The following ADCY5 variants were observed in gnomAD, a reference collection of about 807,000 sequenced individuals.
ADCY5 encodes adenylate cyclase type 5.
Under a neutral mutation model 119.7 loss-of-function variants are expected in ADCY5, and 30 were observed. The observed-to-expected ratio is 0.25, with a 90% CI of 0.19 to 0.34. The LOEUF is 0.34. Ranked by LOEUF, ADCY5 falls within the 10% of genes least tolerant of loss-of-function variation. The probability of loss-of-function intolerance (pLI) is 1.00; values close to 1 mark genes in which losing one functional copy is unlikely to be tolerated. For synonymous variants in ADCY5, 753 were observed against 762.2 expected, an observed-to-expected ratio of 0.99 and a Z score of 0.20; for missense variants, 1,324 against 1,775.2, an observed-to-expected ratio of 0.75 and a Z score of 4.57.
Position 123,428,344 on chromosome 3 carries a change from T to C in ADCY5, c.1134+19068A>G, listed in dbSNP as rs369814807. ...GCAGTCATGCACTGTAGTGTAACAA[T>C]TGGTGTCCCTGCAGTCACCTGAAAA... is the stretch of plus-strand genomic sequence containing the variant. On this transcript the variant is annotated intron_variant, in intron 1 of 20. Coordinates refer to ENST00000462833, the MANE Select transcript of ADCY5 (RefSeq NM_183357.3). Among the ~76,000 whole-genome samples, 22 of 152,338 alleles carry C rather than the reference T, an allele frequency of 1.4e-4. 1 individual carries two copies. The South Asian group carries it at 2.5e-3, about 17-fold the overall frequency.
At chr3:123,299,495 G>C (rs4621278) in intron 15 of ADCY5, among the ~76,000 whole-genome samples, 41,518 of 152,148 alleles carry the variant, frequency 0.27, 7,126 homozygotes, top group Non-Finnish European at 0.39. Context: ...TTCCCCTCAT[G>C]GAGCCACCTC....
chr3:123,367,628 G>A (rs1053238531), intron 1 of ADCY5, among the ~76,000 whole-genome samples: 4 of 152,120 alleles, frequency 2.6e-5, no homozygotes, highest in Non-Finnish European at 4.4e-5. Flanking sequence ...GGTGCCAGCC[G>A]TGTAGGTGGA....
chr3:123,422,104 C>T (rs1945314455), intron 1 of ADCY5, among the ~76,000 whole-genome samples: 1 of 152,198 alleles, frequency 6.6e-6, no homozygotes, highest in African/African-American at 2.4e-5. Flanking sequence ...AAAAACTGTG[C>T]AGGCACTGGG....
chr3:123,325,550 A>G (rs1421051607), intron 7 of ADCY5, 88 bp from the exon 8 acceptor site: 10 of 1,543,778 alleles, frequency 6.5e-6, no homozygotes, highest in Non-Finnish European at 8.0e-6. Context: ...CTGGCCAGGT[A>G]AGGGGCTAAG....
intron 14 of ADCY5, among the ~76,000 whole-genome samples, chr3:123,301,140 G>C (rs1458775910): frequency 7.0e-6 from 1 of 142,040 alleles, no homozygotes; most frequent in African/African-American, 3.1e-5. Context: ...CCTTGATGCA[G>C]ATGACGTCCC....
chr3:123,367,434 T>G (rs1943484516), intron 1 of ADCY5, among the ~76,000 whole-genome samples: 1 of 152,074 alleles, frequency 6.6e-6, no homozygotes, highest in South Asian at 2.1e-4. Flanking sequence ...TGGCAAGAGG[T>G]TTTGTGGGCT....
chr3:123,345,220 C>T (rs765965500), intron 3 of ADCY5, among the ~76,000 whole-genome samples: 10 of 152,158 alleles, frequency 6.6e-5, no homozygotes, highest in South Asian at 4.1e-4. Flanking sequence ...CACCGTGGAA[C>T]GAGGAATAGG....
chr3:123,319,376 GA>G (rs919150693), intron 10 of ADCY5, among the ~76,000 whole-genome samples: 41 of 140,354 alleles, frequency 2.9e-4, no homozygotes, highest in East Asian at 1.0e-3. Flanking sequence ...AATGAAAAAA[GA>G]AAAAAAAAAA....
intron 15 of ADCY5, among the ~76,000 whole-genome samples, chr3:123,297,996 C>CTTTTTATT (rs146573726): frequency 6.6e-6 from 1 of 151,858 alleles, no homozygotes; most frequent in Non-Finnish European, 1.5e-5. Context: ...ACATAAGTGG[C>CTTTTTATT]TTTTTATTTT....
chr3:123,396,345 AAAAG>A (rs1370345666), intron 1 of ADCY5, among the ~76,000 whole-genome samples: 2 of 144,744 alleles, frequency 1.4e-5, no homozygotes, highest in East Asian at 2.2e-4. Flanking sequence ...AAAGAGAAGA[AAAAG>A]AGAGAGAAGG....
intron 1 of ADCY5, among the ~76,000 whole-genome samples, chr3:123,443,915 C>T (rs973016359): frequency 2.6e-5 from 4 of 152,174 alleles, no homozygotes; most frequent in African/African-American, 9.7e-5. Flanking sequence ...GAGTCCAGAC[C>T]ATAGAGCTGC....
At chr3:123,375,925 G>A (rs184955504) in intron 1 of ADCY5, among the ~76,000 whole-genome samples, 1 of 147,338 alleles carries the variant, frequency 6.8e-6, no homozygotes, top group Non-Finnish European at 1.5e-5. Flanking sequence ...CAGTCCCAGA[G>A]CTGGGACTCC....
rs1009278077 is a variant in ADCY5, at chr3:123,300,351, T to TGGCCCC, written c.2725-62_2725-57dup. Reference sequence around the variant, plus strand: ...CCAGGCCCTGCCCGACCCCGGGCCCTGGCCCCATGCATCCTCCAGTCTGAG... The same window carrying TGGCCCC: ...CCAGGCCCTGCCCGACCCCGGGCCCTGGCCCCGGCCCCATGCATCCTCCAGTCTGAG... On this transcript the variant is annotated intron_variant, in intron 14 of 20. Transcript: ENST00000462833. The TGGCCCC allele has an allele frequency of 5.7e-5, 89 of 1,561,762 alleles. 1 individual carries two copies. The African/African-American group carries it at 1.0e-3, about 18-fold the overall frequency.
At chr3:123,376,723 C>A (rs1943849193) in intron 1 of ADCY5, among the ~76,000 whole-genome samples, 1 of 152,076 alleles carries the variant, frequency 6.6e-6, no homozygotes, top group African/African-American at 2.4e-5. Flanking sequence ...ATGAACTGGC[C>A]AGAAGGAGGA....
chr3:123,391,654 C>T (rs527441702), intron 1 of ADCY5, among the ~76,000 whole-genome samples: 1 of 152,336 alleles, frequency 6.6e-6, no homozygotes, highest in South Asian at 2.1e-4. Context: ...TTCTCATCCT[C>T]ACCCCAAGCA....
chr3:123,390,047 T>C lies in ADCY5; in HGVS notation c.1135-37466A>G, dbSNP rs116764837. On this transcript the variant is annotated intron_variant, in intron 1 of 20. Coordinates refer to ENST00000462833, the MANE Select transcript of ADCY5 (RefSeq NM_183357.3). ...GGGTGCACCAGGACAGAGCAGGTGT[T>C]CCCGGTGATGGGGGTGAGGATGACT... Among the ~76,000 whole-genome samples, 582 of 152,224 alleles carry C rather than the reference T, an allele frequency of 3.8e-3. 1 individual carries two copies. Among genetic ancestry groups the C allele is most frequent in the African/African-American group, 0.013 (547 of 41,544 alleles).
chr3:123,436,786 C>T (rs560402340), intron 1 of ADCY5, among the ~76,000 whole-genome samples: 1 of 152,194 alleles, frequency 6.6e-6, no homozygotes, highest in Admixed American at 6.5e-5. Context: ...AGTCCAGCAA[C>T]CAATCAGCTG....
chr3:123,416,108 G>A lies in ADCY5; in HGVS notation c.1134+31304C>T, dbSNP rs1945178722. ...CCCCAGGTGAGGTGTCCAAGAAGGT[G>A]GAAGGGCAAAGGAGAAGGAGAATCA... On this transcript the variant is annotated intron_variant, in intron 1 of 20. Coordinates refer to ENST00000462833, the MANE Select transcript of ADCY5 (RefSeq NM_183357.3). 20 of 1,501,706 alleles carry A rather than the reference G, an allele frequency of 1.3e-5. No individual in the cohort carries two copies. In the East Asian group the frequency reaches 4.9e-4, roughly 37 times the overall value. 93.0% of individuals were successfully genotyped at this position (1,501,706 alleles called of 1,614,324 possible).
chr3:123,372,112 T>C (rs893850684), intron 1 of ADCY5, among the ~76,000 whole-genome samples: 12 of 152,318 alleles, frequency 7.9e-5, no homozygotes, highest in African/African-American at 2.6e-4. Flanking sequence ...CCAGGAGCCC[T>C]GGTTGTCTCC....
Sources: gnomAD v4.1 joint callset for allele counts (sites outside exome capture counted in the v4.1 genomes callset) on GRCh38, gnomAD v4.1.1 for gene constraint, MANE v1.5 for transcripts, NCBI Gene and HGNC (gene_info 2026-07-23, HGNC 2026-07-21) for gene names.